Variants in CHN2 observed in about 807,000 individuals in gnomAD.
CHN2 encodes beta-chimaerin.
In CHN2, 35 loss-of-function variants were observed where a neutral mutation model predicts 56.3. The observed-to-expected ratio is 0.62, with a 90% CI of 0.47 to 0.82. The LOEUF (loss-of-function observed/expected upper bound fraction) is 0.82. Among genes scored for constraint, CHN2 ranks in the 40% least tolerant of loss-of-function variants. The pLI, the probability that CHN2 is intolerant of heterozygous loss-of-function variation, is 0.00. For missense variants in CHN2, 491 were observed against 580.5 expected (o/e 0.85, Z 1.58); for synonymous variants, 210 against 212.8 (o/e 0.99, Z 0.12).
chr7:29,314,314 T>C (rs1285168798), intron 1 of CHN2, among the ~76,000 whole-genome samples: 1 of 152,184 alleles, frequency 6.6e-6, no homozygotes, highest in Non-Finnish European at 1.5e-5. Flanking sequence ...ATTCCACTTA[T>C]ATGAAGTACC....
chr7:29,184,151 T>TGATA (rs56102038), intron 2 of CHN2, among the ~76,000 whole-genome samples: 35,437 of 143,176 alleles, frequency 0.25, 4,479 homozygotes, highest in Admixed American at 0.28. Flanking sequence ...TACAGATAGA[T>TGATA]GATAGATAGA....
At chr7:29,276,001 A>G (rs548244582) in intron 1 of CHN2, among the ~76,000 whole-genome samples, 4 of 152,116 alleles carry the variant, frequency 2.6e-5, no homozygotes, top group African/African-American at 9.6e-5. Context: ...CAAACCCCGC[A>G]TTACCCAATA....
intron 6 of CHN2, among the ~76,000 whole-genome samples, chr7:29,431,812 C>T (rs1315638555): frequency 6.6e-6 from 1 of 152,160 alleles, no homozygotes; most frequent in African/African-American, 2.4e-5. Context: ...GCCACACTCC[C>T]ATCAGCCCCT....
intron 6 of CHN2, among the ~76,000 whole-genome samples, chr7:29,463,851 G>A (rs1785359320): frequency 6.6e-6 from 1 of 152,224 alleles, no homozygotes; most frequent in African/African-American, 2.4e-5. Context: ...GTGCCCAGCA[G>A]TGGTGCCTCC....
At chr7:29,439,706 G>A (rs1783491170) in intron 6 of CHN2, among the ~76,000 whole-genome samples, 1 of 152,124 alleles carries the variant, frequency 6.6e-6, no homozygotes, top group South Asian at 2.1e-4. Context: ...TGAGCCTATG[G>A]TCCAGAATGG....
chr7:29,385,295 T>A (rs1800830994), intron 3 of CHN2, among the ~76,000 whole-genome samples: 1 of 152,244 alleles, frequency 6.6e-6, no homozygotes, highest in Admixed American at 6.5e-5. Flanking sequence ...ATGTTTCTAA[T>A]ATTCTTCCTT....
At chr7:29,315,040 A>G (rs143865651) in intron 1 of CHN2, among the ~76,000 whole-genome samples, 1 of 152,290 alleles carries the variant, frequency 6.6e-6, no homozygotes, top group Admixed American at 6.5e-5. Context: ...GTAATTTAGT[A>G]TTCAATTATG....
chr7:29,212,978 G>T (rs902871719), intron 1 of CHN2: 23 of 1,609,386 alleles, frequency 1.4e-5, no homozygotes, highest in Admixed American at 1.2e-4. Context: ...CAGACCTGGT[G>T]CACCCAGTCC....
intron 1 of CHN2, among the ~76,000 whole-genome samples, chr7:29,317,737 C>T (rs181517693): frequency 1.0e-3 from 158 of 152,234 alleles, no homozygotes; most frequent in African/African-American, 3.5e-3. Context: ...TGAAGTGGGA[C>T]ATATGAGATA....
chr7:29,383,947 G>A (rs1438493116), intron 3 of CHN2, among the ~76,000 whole-genome samples: 1 of 152,238 alleles, frequency 6.6e-6, no homozygotes. Context: ...TGGACTTGGA[G>A]AGAAAGGGAC....
At chr7:29,504,924 G>C in intron 10 of CHN2, 103 bp downstream of exon 10, 2 of 764,452 alleles carry the variant, frequency 2.6e-6, no homozygotes, top group Non-Finnish European at 4.4e-6. Context: ...ACTACTAAGA[G>C]TTGTTCTTCA....
At chr7:29,156,489 C>T (rs1476550616) in intron 2 of CHN2, among the ~76,000 whole-genome samples, 3 of 152,128 alleles carry the variant, frequency 2.0e-5, no homozygotes, top group Non-Finnish European at 4.4e-5. Flanking sequence ...CTAAAGATGG[C>T]GATCTTGTGA....
rs545289689 is a variant in CHN2, at chr7:29,252,578, G to GTTTTTTTT, written c.49+57609_49+57616dup. Among the ~76,000 whole-genome samples the GTTTTTTTT allele has an allele frequency of 3.1e-3, 60 of 19,494 alleles. 18 individuals carry two copies. The highest frequency in any genetic ancestry group is 4.0e-3 in the Admixed American group (5 of 1,246). The allele number at this position is 19,494 out of a possible 152,430, so 12.8% of individuals were successfully genotyped here. ...CTGTTTGTCTAAAATTGCATTCTTT[G>GTTTTTTTT]TTTTTTTTTTTTTTTTTTTTTTTTT... On this transcript the variant is annotated intron_variant, in intron 1 of 12. Coordinates refer to ENST00000222792, the MANE Select transcript of CHN2 (RefSeq NM_004067.4).
chr7:29,381,718 C>T (rs1456442935), intron 3 of CHN2, among the ~76,000 whole-genome samples: 8 of 150,418 alleles, frequency 5.3e-5, no homozygotes, highest in Non-Finnish European at 1.0e-4. Context: ...CTTACAGACA[C>T]CCTGGCTCCA....
intron 1 of CHN2, among the ~76,000 whole-genome samples, chr7:29,287,320 G>A (rs1792232855): frequency 6.6e-6 from 1 of 152,184 alleles, no homozygotes; most frequent in Non-Finnish European, 1.5e-5. Flanking sequence ...AGAGAAAGTG[G>A]AGATGGGAGA....
At chr7:29,267,355 AC>A (rs1288736067) in intron 1 of CHN2, among the ~76,000 whole-genome samples, 1 of 150,156 alleles carries the variant, frequency 6.7e-6, no homozygotes, top group Admixed American at 6.7e-5. Flanking sequence ...TGTTTCTCCT[AC>A]CTCAGCCTCC....
chr7:29,430,544 G>A (rs983718403), intron 6 of CHN2, among the ~76,000 whole-genome samples: 7 of 152,172 alleles, frequency 4.6e-5, no homozygotes, highest in Admixed American at 1.3e-4. Context: ...CAGCTGGGCC[G>A]TGGCCTTTTT....
intron 1 of CHN2, among the ~76,000 whole-genome samples, chr7:29,319,113 G>A (rs555170642): frequency 1.1e-4 from 16 of 152,270 alleles, no homozygotes; most frequent in East Asian, 3.9e-4. Context: ...ACATGGTTTC[G>A]TGCATAAACA....
chr7:29,280,235 T>C (rs1018133010), intron 1 of CHN2, among the ~76,000 whole-genome samples: 2 of 151,674 alleles, frequency 1.3e-5, no homozygotes, highest in East Asian at 3.9e-4. Flanking sequence ...AATACAAAAA[T>C]TAGCCGGGCG....
Sources: allele counts gnomAD v4.1 joint callset (sites outside exome capture counted in the v4.1 genomes callset), GRCh38; gene constraint gnomAD v4.1.1; transcripts MANE v1.5; gene names NCBI Gene and HGNC (gene_info 2026-07-23, HGNC 2026-07-21).